The following LDLRAD3 variants were observed in gnomAD, a reference collection of about 807,000 sequenced individuals.
LDLRAD3 encodes the protein low-density lipoprotein receptor class A domain-containing protein 3.
LDLRAD3 carries 20 observed loss-of-function variants against 29.4 expected under a neutral mutation model. The observed-to-expected ratio is 0.68, with a 90% CI of 0.48 to 0.99. The LOEUF is 0.99. Among genes scored for constraint, LDLRAD3 ranks in the 50% least tolerant of loss-of-function variants. LDLRAD3 has a pLI of 0.00. For missense variants in LDLRAD3, 420 were observed against 454.3 expected, an observed-to-expected ratio of 0.92 and a Z score of 0.69; for synonymous variants, 157 against 192.7, an observed-to-expected ratio of 0.81 and a Z score of 1.53.
In LDLRAD3 at chr11:36,221,968, C is replaced by T. The variant is rs78689457; in HGVS notation, c.455-5117C>T. On this transcript the variant is annotated intron_variant, in intron 4 of 5. Coordinates refer to ENST00000315571, the MANE Select transcript of LDLRAD3 (RefSeq NM_174902.4). ...TTTTAAAAATAGGTACAAGATTGTA[C>T]GGATACACCATAATTTATTTAGCCA... Among the ~76,000 whole-genome samples, 1,418 of 152,270 alleles carry T rather than the reference C, an allele frequency of 9.3e-3. 26 individuals carry two copies. Among genetic ancestry groups the T allele is most frequent in the African/African-American group, 0.032 (1,334 of 41,526 alleles).
At chr11:36,087,255 A>G (rs867701402) in intron 3 of LDLRAD3, among the ~76,000 whole-genome samples, 2 of 152,372 alleles carry the variant, frequency 1.3e-5, no homozygotes, top group South Asian at 2.1e-4. Context: ...TATTAAAAAA[A>G]TTGAGATAGA....
At chr11:36,187,791 G>A (rs1216057191) in intron 4 of LDLRAD3, among the ~76,000 whole-genome samples, 1 of 152,170 alleles carries the variant, frequency 6.6e-6, no homozygotes, top group Non-Finnish European at 1.5e-5. Context: ...CATTTCTTTT[G>A]AATGCCACAA....
intron 4 of LDLRAD3, among the ~76,000 whole-genome samples, chr11:36,183,410 G>T (rs1854792942): frequency 6.6e-6 from 1 of 152,156 alleles, no homozygotes; most frequent in African/African-American, 2.4e-5. Context: ...ACCTCTATTG[G>T]ATTAAAGTAA....
intron 2 of LDLRAD3, among the ~76,000 whole-genome samples, chr11:36,068,677 T>A (rs577467766): frequency 6.6e-6 from 1 of 152,228 alleles, no homozygotes; most frequent in African/African-American, 2.4e-5. Flanking sequence ...CCACCACACC[T>A]GGCTAATTTT....
Position 36,036,168 on chromosome 11 carries a change from A to G in LDLRAD3, c.112A>G (p.Ser38Gly). 2 of 1,614,176 alleles carry G rather than the reference A, an allele frequency of 1.2e-6. No individual in the cohort carries two copies. Among genetic ancestry groups the G allele is most frequent in the South Asian group, 1.1e-5 (1 of 91,074 alleles). ...CAACATACCAGGCAACTTCATGTGCAGCAATGGACGGTGCATCCCGGGCGC... is the reference window on the plus strand; with the variant it reads ...CAACATACCAGGCAACTTCATGTGCGGCAATGGACGGTGCATCCCGGGCGC... ...ECNIPGNFMC[S>G]NGRCIPGAWQ... Residue 38 changes from serine to glycine, a missense_variant, in exon 2 of 6, where the codon AGC (serine) becomes GGC (glycine). Physicochemically the swap from Ser to Gly is moderately conservative, Grantham distance 56. This residue lies in a region of LDLRAD3 where 224 missense variants were observed against 222.2 expected (regional missense o/e 1.01). Coordinates refer to ENST00000315571, the MANE Select transcript of LDLRAD3 (RefSeq NM_174902.4).
intron 4 of LDLRAD3, among the ~76,000 whole-genome samples, chr11:36,138,916 T>G (rs554271004): frequency 6.6e-6 from 1 of 152,326 alleles, no homozygotes; most frequent in African/African-American, 2.4e-5. Flanking sequence ...CCTGACTGTT[T>G]ACCTATACAC....
intron 4 of LDLRAD3, among the ~76,000 whole-genome samples, chr11:36,189,125 A>ATT (rs1222274256): frequency 6.6e-6 from 1 of 152,234 alleles, no homozygotes; most frequent in Non-Finnish European, 1.5e-5. Flanking sequence ...CCATCACTGC[A>ATT]TTGTCTACTT....
At chr11:36,035,176 T>G (rs1428427829) in intron 1 of LDLRAD3, among the ~76,000 whole-genome samples, 344 of 3,278 alleles carry the variant, frequency 0.1, no homozygotes, top group Non-Finnish European at 0.35. Context: ...AGGACTGGTC[T>G]TTTTTTTTTT....
chr11:36,137,458 C>G (rs1854020127), intron 4 of LDLRAD3, among the ~76,000 whole-genome samples: 1 of 152,188 alleles, frequency 6.6e-6, no homozygotes, highest in South Asian at 2.1e-4. Flanking sequence ...GAACTCTGGA[C>G]AAAATCCAGG....
At chr11:35,974,612 C>T (rs1851453939) in intron 1 of LDLRAD3, among the ~76,000 whole-genome samples, 1 of 152,228 alleles carries the variant, frequency 6.6e-6, no homozygotes, top group Non-Finnish European at 1.5e-5. Context: ...TCCTTGCAGA[C>T]AGCCAGATTA....
intron 2 of LDLRAD3, among the ~76,000 whole-genome samples, chr11:36,077,971 A>G (rs1853043529): frequency 6.6e-6 from 1 of 152,194 alleles, no homozygotes; most frequent in Non-Finnish European, 1.5e-5. Context: ...ACAAAGGGGA[A>G]CTTTATTGAG....
intron 4 of LDLRAD3, among the ~76,000 whole-genome samples, chr11:36,115,675 C>T (rs988117058): frequency 6.6e-6 from 1 of 152,164 alleles, no homozygotes; most frequent in African/African-American, 2.4e-5. Flanking sequence ...AGTCCCTCCT[C>T]ACCTCAAGCA....
At chr11:35,984,868 G>A (rs1851588823) in intron 1 of LDLRAD3, among the ~76,000 whole-genome samples, 1 of 151,874 alleles carries the variant, frequency 6.6e-6, no homozygotes, top group African/African-American at 2.4e-5. Flanking sequence ...GACCTCAGGT[G>A]ATCTGCCCGC....
chr11:36,182,431 A>G (rs1200633299), intron 4 of LDLRAD3, among the ~76,000 whole-genome samples: 1 of 152,236 alleles, frequency 6.6e-6, no homozygotes, highest in African/African-American at 2.4e-5. Context: ...AGAGAAATAT[A>G]GGTAGAAGTA....
chr11:35,967,283 G>C (rs2075655209), intron 1 of LDLRAD3: 1 of 196,856 alleles, frequency 5.1e-6, no homozygotes, highest in Admixed American at 5.6e-5. Context: ...TGCTGCAGAA[G>C]GTCTCTCTCC....
At chr11:36,115,308 G>A (rs1388818021) in intron 4 of LDLRAD3, among the ~76,000 whole-genome samples, 1 of 152,242 alleles carries the variant, frequency 6.6e-6, no homozygotes, top group Non-Finnish European at 1.5e-5. Flanking sequence ...TAAAGATGGT[G>A]TTAAATTTGG....
chr11:36,221,223 C>T (rs1029905288), intron 4 of LDLRAD3, among the ~76,000 whole-genome samples: 8 of 151,982 alleles, frequency 5.3e-5, no homozygotes, highest in South Asian at 2.1e-4. Flanking sequence ...GGGTGTCATG[C>T]GCTTATAATC....
rs141084776 is a variant in LDLRAD3 at position 36,046,046 on chromosome 11, G to A, written c.193+9797G>A. 8.0e-3 allele frequency among the ~76,000 whole-genome samples: 1,213 copies of A among 152,006 alleles called. 11 individuals carry two copies. The highest frequency in any genetic ancestry group is 9.2e-3 in the Non-Finnish European group (628 of 67,978). ...TACCCATTGTTCAACTCCCACTTAT[G>A]AGTGAGAACATGTGGTGTTTGGTTT... On this transcript the variant is annotated intron_variant, in intron 2 of 5. Coordinates refer to ENST00000315571, the MANE Select transcript of LDLRAD3 (RefSeq NM_174902.4).
intron 4 of LDLRAD3, among the ~76,000 whole-genome samples, chr11:36,165,013 G>A (rs562870733): frequency 6.6e-6 from 1 of 152,162 alleles, no homozygotes; most frequent in South Asian, 2.1e-4. Context: ...TATAGAACAG[G>A]GAAAATTTTA....
Sources: gnomAD v4.1 joint callset for allele counts (sites outside exome capture counted in the v4.1 genomes callset) on GRCh38, gnomAD v4.1.1 for gene constraint, gnomAD v4.1.1 regional missense constraint, MANE v1.5 for transcripts, NCBI Gene and HGNC (gene_info 2026-07-23, HGNC 2026-07-21) for gene names.